ARHGAP39: variants seen among roughly 807,000 people sequenced by gnomAD.
ARHGAP39 encodes the protein Rho GTPase activating protein 39, also known as rho GTPase-activating protein 39.
A neutral mutation model predicts 106.9 loss-of-function variants in ARHGAP39; 44 were observed. The observed-to-expected ratio is 0.41, with a 90% CI of 0.32 to 0.53. ARHGAP39 has a LOEUF of 0.53. ARHGAP39 is among the 20% of genes least tolerant of loss of function. The pLI is 0.21. For missense variants in ARHGAP39, 1,496 were observed against 1,577.3 expected (o/e 0.95, Z 0.87); for synonymous variants, 768 against 693.2 (o/e 1.11, Z -1.69).
intron 1 of ARHGAP39, among the ~76,000 whole-genome samples, chr8:144,619,245 G>A (rs556981191): frequency 6.6e-6 from 1 of 152,366 alleles, no homozygotes; most frequent in African/African-American, 2.4e-5. Flanking sequence ...AGCAAGCGCG[G>A]AAACAGCATC....
chr8:144,547,835 C>T lies in ARHGAP39; in HGVS notation c.1251G>A (p.Lys417=). Residue 417 remains lysine, a synonymous_variant, in exon 5 of 12, where the codon AAG becomes AAA. Coordinates refer to ENST00000377307, the MANE Select transcript of ARHGAP39 (RefSeq NM_025251.3). The surrounding 1 kb of genome is among the most constrained non-coding windows in gnomAD (Gnocchi z 5.2). The part of the protein sequence containing the change: ...SPKLRAGPRH[K]YAPNPGGGSY... ...AACCACCGCCGGGGTTGGGCGCGTA[C>T]TTGTGCCGCGGGCCGGCGCGCAGCT... 1 of 1,590,748 alleles carries T rather than the reference C, an allele frequency of 6.3e-7. No individual in the cohort carries two copies. The highest frequency in any genetic ancestry group is 8.5e-7 in the Non-Finnish European group (1 of 1,169,770).
chr8:144,556,709 T>C (rs1362964428), intron 3 of ARHGAP39, among the ~76,000 whole-genome samples: 3 of 127,418 alleles, frequency 2.4e-5, no homozygotes, highest in Admixed American at 8.3e-5. Flanking sequence ...TGAACCTTCA[T>C]AGTATTCAGA....
At chr8:144,637,881 A>G (rs1821214509) in intron 1 of ARHGAP39, among the ~76,000 whole-genome samples, 1 of 148,150 alleles carries the variant, frequency 6.7e-6, no homozygotes, top group Admixed American at 6.7e-5. Flanking sequence ...TTTTTTTTAG[A>G]GAGGGGTCTT....
At chr8:144,536,744 G>A (rs1816972521) in intron 7 of ARHGAP39, among the ~76,000 whole-genome samples, 1 of 152,238 alleles carries the variant, frequency 6.6e-6, no homozygotes, top group Non-Finnish European at 1.5e-5. Context: ...TAGCCCAGCA[G>A]ATGCCATCCT....
rs1297442903 is a variant in ARHGAP39 at position 144,591,725 on chromosome 8, G to A, written c.81-10448C>T. Among the ~76,000 whole-genome samples the A allele has an allele frequency of 1.3e-5, 2 of 152,226 alleles. No individual in the cohort carries two copies. Among genetic ancestry groups the A allele is most frequent in the African/African-American group, 4.8e-5 (2 of 41,456 alleles). On this transcript the variant is annotated intron_variant, in intron 2 of 11. Transcript: ENST00000377307. The surrounding 1 kb of genome is among the most constrained non-coding windows in gnomAD (Gnocchi z 5.3). ...TGTCAGGTCTGGGGTCAGAACTCAGGACGCACACCAAGGACAGGACCACAT... is the reference window on the plus strand; with the variant it reads ...TGTCAGGTCTGGGGTCAGAACTCAGAACGCACACCAAGGACAGGACCACAT...
At chr8:144,530,895 G>A in intron 10 of ARHGAP39, 24 bp from the exon 11 acceptor site, 10 of 1,594,598 alleles carry the variant, frequency 6.3e-6, no homozygotes, top group Non-Finnish European at 8.5e-6. Context: ...ACGGGGCTCA[G>A]CGGCCCTGCT....
chr8:144,634,181 G>T (rs571204286), intron 1 of ARHGAP39, among the ~76,000 whole-genome samples: 14 of 147,776 alleles, frequency 9.5e-5, no homozygotes, highest in Non-Finnish European at 1.9e-4. Flanking sequence ...CTCCACTCCT[G>T]TCTGGAACTC....
At chr8:144,694,002 C>T in the ARHGAP39 span, among the ~76,000 whole-genome samples, 2 of 151,874 alleles carry the variant, frequency 1.3e-5, no homozygotes. Context: ...AAGCAAATAG[C>T]GAGGGCAAAG....
intron 1 of ARHGAP39, among the ~76,000 whole-genome samples, chr8:144,663,932 T>C (rs1821897235): frequency 6.6e-6 from 1 of 152,172 alleles, no homozygotes; most frequent in South Asian, 2.1e-4. Context: ...GCTGGGTGGC[T>C]GAGACAGGCG....
rs995071873 is a variant in ARHGAP39, at chr8:144,617,634, C to T, written c.-81-11939G>A. ...GCAGCTGAACTCTGCCAGCCGCACC[C>T]GCTCTAGTCTGGTTTTGTGATCTAA... On this transcript the variant is annotated intron_variant, in intron 1 of 11. Transcript: ENST00000377307. 5.8e-4 allele frequency among the ~76,000 whole-genome samples: 88 copies of T among 151,350 alleles called. 1 individual carries two copies. Among genetic ancestry groups the T allele is most frequent in the African/African-American group, 1.9e-3 (80 of 41,290 alleles).
At chr8:144,632,715 C>T (rs1821093433) in intron 1 of ARHGAP39, among the ~76,000 whole-genome samples, 1 of 152,204 alleles carries the variant, frequency 6.6e-6, no homozygotes, top group Non-Finnish European at 1.5e-5. Flanking sequence ...GCCCCACAAC[C>T]GCCCAGACAA....
At chr8:144,577,866 T>G (rs1020810036) in intron 3 of ARHGAP39, among the ~76,000 whole-genome samples, 1 of 151,982 alleles carries the variant, frequency 6.6e-6, no homozygotes, top group Non-Finnish European at 1.5e-5. Flanking sequence ...CTAAGAAAAA[T>G]CAGACATAAG....
intron 1 of ARHGAP39, among the ~76,000 whole-genome samples, chr8:144,662,766 C>A (rs1327881020): frequency 6.7e-6 from 1 of 149,888 alleles, no homozygotes; most frequent in Non-Finnish European, 1.5e-5. Context: ...TCCCCATTAT[C>A]CACCTTGGAC....
chr8:144,600,591 TGA>T (rs1225183991), intron 2 of ARHGAP39, among the ~76,000 whole-genome samples: 5 of 145,916 alleles, frequency 3.4e-5, no homozygotes, highest in South Asian at 2.3e-4. Context: ...CTTGTATACC[TGA>T]GTGTGCGTGT....
Position 144,545,737 on chromosome 8 carries a change from C to T in ARHGAP39, c.2033G>A (p.Cys678Tyr). The change falls in exon 6 of 12, where the codon TGC (cysteine) becomes TAC (tyrosine). Residue 678 changes from cysteine (C) to tyrosine (Y), a missense_variant. Around this residue, in one of 4 missense-constraint regions of ARHGAP39, gnomAD observed 905 missense variants for 816.4 expected, o/e 1.11. Transcript: ENST00000377307. ...QSRSGVPSSS[C>Y]VFPTFTLRKP... ...GCGCAGCGTGAAAGTGGGGAAGACG[C>T]AGCTGGAGCTGGGAACGCCGCTGCG... 6.2e-7 allele frequency: 1 copy of T among 1,611,700 alleles called. No homozygotes were observed. Among genetic ancestry groups the T allele is most frequent in the East Asian group, 2.2e-5 (1 of 44,846 alleles).
intron 1 of ARHGAP39, among the ~76,000 whole-genome samples, chr8:144,675,945 A>G (rs371426024): frequency 1.2e-4 from 18 of 151,302 alleles, no homozygotes; most frequent in East Asian, 1.2e-3. Context: ...TAGCATGTCC[A>G]GAGTTGTTCC....
rs753153679 is a variant in ARHGAP39 at position 144,605,518 on chromosome 8, G to T, written c.80+17C>A. The T allele has an allele frequency of 2.5e-6, 4 of 1,613,384 alleles. No individual in the cohort carries two copies. Among genetic ancestry groups the T allele is most frequent in the Non-Finnish European group, 3.4e-6 (4 of 1,179,820 alleles). Reference sequence around the variant, plus strand: ...TCGTGAGGCCCGGGCAGCTCCGCAGGTCGGTCGGCTCCTTACCGAGTGTTC... The same window carrying T: ...TCGTGAGGCCCGGGCAGCTCCGCAGTTCGGTCGGCTCCTTACCGAGTGTTC... On this transcript the variant is annotated intron_variant, in intron 2 of 11. Transcript: ENST00000377307.
At chr8:144,541,150 C>A (rs147378155) in intron 6 of ARHGAP39, among the ~76,000 whole-genome samples, 1 of 152,246 alleles carries the variant, frequency 6.6e-6, no homozygotes, top group African/African-American at 2.4e-5. Flanking sequence ...CGCGCCTGGA[C>A]TCCTTTGCTT....
chr8:144,668,990 T>C (rs1293426871), intron 1 of ARHGAP39, among the ~76,000 whole-genome samples: 2 of 151,604 alleles, frequency 1.3e-5, no homozygotes, highest in Admixed American at 1.3e-4. Flanking sequence ...CAGCACAGAG[T>C]TGAGTTCAGA....
Sources: gnomAD v4.1 joint callset for allele counts (sites outside exome capture counted in the v4.1 genomes callset) on GRCh38, gnomAD v4.1.1 for gene constraint, gnomAD v4.1.1 regional missense constraint, Gnocchi (gnomAD v3.1) non-coding constraint, MANE v1.5 for transcripts, NCBI Gene and HGNC (gene_info 2026-07-23, HGNC 2026-07-21) for gene names.